The following SLX4IP variants were observed in gnomAD, a reference collection of about 807,000 sequenced individuals.
The protein encoded by SLX4IP is SLX4 interacting protein.
SLX4IP carries 34 observed loss-of-function variants against 32.9 expected under a neutral mutation model. The observed-to-expected ratio is 1.03, with a 90% CI of 0.79 to 1.38. The LOEUF (loss-of-function observed/expected upper bound fraction) is 1.38. SLX4IP is among the 40% of genes most tolerant of loss of function. The pLI, the probability that SLX4IP is intolerant of heterozygous loss-of-function variation, is 0.00. For synonymous variants in SLX4IP, 172 were observed against 171.7 expected (o/e 1.00, Z -0.01); for missense variants, 444 against 479.0 (o/e 0.93, Z 0.68).
At chr20:10,581,997 T>G (rs572612900) in intron 4 of SLX4IP, among the ~76,000 whole-genome samples, 5 of 152,286 alleles carry the variant, frequency 3.3e-5, no homozygotes, top group African/African-American at 9.6e-5. Flanking sequence ...AGGACAGTGA[T>G]GAAAAGTGAT....
At position 10,445,933 on chromosome 20, in the gene SLX4IP, C is replaced by T. The variant is rs13042206; in HGVS notation, c.-30+10480C>T. ...GAGCCACTGTGCCTGGCTGAGATTG[C>T]TTTTTTTTTTTTTTTTTTTTTTTTA... On this transcript the variant is annotated intron_variant, in intron 1 of 7. Coordinates refer to ENST00000334534, the MANE Select transcript of SLX4IP (RefSeq NM_001009608.3). 4.2e-3 allele frequency among the ~76,000 whole-genome samples: 257 copies of T among 60,674 alleles called. 18 individuals carry two copies. The highest frequency in any genetic ancestry group is 0.017 in the Middle Eastern group (1 of 58). The allele number at this position is 60,674 out of a possible 152,430, so 39.8% of individuals were successfully genotyped here.
In SLX4IP at chr20:10,560,386, C is replaced by T. The variant is rs114203513; in HGVS notation, c.118-314C>T. Among the ~76,000 whole-genome samples the T allele has an allele frequency of 9.3e-3, 1,418 of 152,334 alleles. 25 individuals carry two copies. Among genetic ancestry groups the T allele is most frequent in the African/African-American group, 0.032 (1,340 of 41,590 alleles). ...TTATATGAAAGCATTCTTTACCATA[C>T]TTATTACCTCCTTGCCCTGATGTTT... On this transcript the variant is annotated intron_variant, in intron 3 of 7. Coordinates refer to ENST00000334534, the MANE Select transcript of SLX4IP (RefSeq NM_001009608.3).
intron 2 of SLX4IP, among the ~76,000 whole-genome samples, chr20:10,509,964 A>G (rs2065792231): frequency 6.6e-6 from 1 of 152,192 alleles, no homozygotes; most frequent in African/African-American, 2.4e-5. Flanking sequence ...GGTGTGAGCC[A>G]CTGCACCAGC....
chr20:10,603,821 A>G (rs1011765711), intron 6 of SLX4IP, among the ~76,000 whole-genome samples: 2 of 152,150 alleles, frequency 1.3e-5, no homozygotes, highest in Non-Finnish European at 1.5e-5. Context: ...TAGAAGCAAT[A>G]AAAGACCCAG....
intron 4 of SLX4IP, among the ~76,000 whole-genome samples, chr20:10,566,834 C>T (rs1337261361): frequency 1.3e-5 from 2 of 152,098 alleles, no homozygotes; most frequent in Non-Finnish European, 2.9e-5. Context: ...CAAGTGAGGC[C>T]TTCCTGAAGT....
At chr20:10,447,646 T>C (rs946805531) in intron 1 of SLX4IP, among the ~76,000 whole-genome samples, 23 of 152,084 alleles carry the variant, frequency 1.5e-4, no homozygotes, top group African/African-American at 5.5e-4. Context: ...TTTCTAATGT[T>C]ACCTTTTTAT....
rs1046030156 is a variant in SLX4IP at position 10,560,611 on chromosome 20, A to G, written c.118-89A>G. 14 of 1,023,574 alleles carry G rather than the reference A, an allele frequency of 1.4e-5. No homozygotes were observed. The African/African-American group carries it at 2.3e-4, about 17-fold the overall frequency. The allele number at this position is 1,023,574 out of a possible 1,614,324, so 63.4% of individuals were successfully genotyped here. A position where few individuals can be genotyped will look rare whatever the true frequency, so the allele number is the denominator to read the frequency against. On this transcript the variant is annotated intron_variant, in intron 3 of 7. Coordinates refer to ENST00000334534, the MANE Select transcript of SLX4IP (RefSeq NM_001009608.3). The stretch of plus-strand genomic sequence containing the variant: ...CAGCTAAATTAAAAAGCAAAATGAA[A>G]TGAAATGTTCATTGTTAACTTTTTA...
intron 4 of SLX4IP, among the ~76,000 whole-genome samples, chr20:10,562,356 G>T (rs184374490): frequency 6.7e-4 from 102 of 152,288 alleles, no homozygotes; most frequent in Non-Finnish European, 1.2e-3. Context: ...TTCCCCTGGA[G>T]TTGGGCCGCC....
chr20:10,556,397 A>G (rs1301131254), intron 3 of SLX4IP, 77 bp downstream of exon 3: 18 of 1,411,346 alleles, frequency 1.3e-5, no homozygotes, highest in Non-Finnish European at 1.8e-5. Flanking sequence ...TCCAGCTTTC[A>G]TTTCTGTTAG....
intron 2 of SLX4IP, among the ~76,000 whole-genome samples, chr20:10,473,200 G>A (rs1197331669): frequency 6.6e-6 from 1 of 152,190 alleles, no homozygotes; most frequent in Non-Finnish European, 1.5e-5. Flanking sequence ...TTGTGAACCA[G>A]GCCTGATAGG....
At chr20:10,582,855 A>G (rs535270608) in intron 4 of SLX4IP, among the ~76,000 whole-genome samples, 2 of 152,240 alleles carry the variant, frequency 1.3e-5, no homozygotes, top group African/African-American at 4.8e-5. Context: ...GAAATTACCT[A>G]AAAAAATAAG....
At chr20:10,513,541 C>T (rs2065827905) in intron 2 of SLX4IP, among the ~76,000 whole-genome samples, 1 of 152,210 alleles carries the variant, frequency 6.6e-6, no homozygotes, top group South Asian at 2.1e-4. Flanking sequence ...ATTACAAAAT[C>T]CTTAGGCCTG....
intron 4 of SLX4IP, among the ~76,000 whole-genome samples, chr20:10,565,366 G>A (rs966603721): frequency 3.3e-5 from 5 of 152,122 alleles, no homozygotes; most frequent in Non-Finnish European, 7.4e-5. Flanking sequence ...GTGAAGCTAC[G>A]CAAAACAGCC....
At chr20:10,522,940 A>G (rs1226134646) in intron 2 of SLX4IP, among the ~76,000 whole-genome samples, 1 of 151,884 alleles carries the variant, frequency 6.6e-6, no homozygotes, top group Non-Finnish European at 1.5e-5. Flanking sequence ...TGGGTGCACA[A>G]CCCTCTTCCC....
intron 6 of SLX4IP, among the ~76,000 whole-genome samples, chr20:10,602,933 G>A (rs1326779730): frequency 1.3e-5 from 2 of 152,210 alleles, no homozygotes; most frequent in African/African-American, 4.8e-5. Flanking sequence ...GCAACAGCCA[G>A]TGTGGTTCAT....
chr20:10,602,300 C>CTCTCTG (rs1478857178), intron 6 of SLX4IP, among the ~76,000 whole-genome samples: 2 of 151,876 alleles, frequency 1.3e-5, no homozygotes, highest in South Asian at 2.1e-4. Context: ...CTCTCTCTCT[C>CTCTCTG]TCTCTCTGTC....
chr20:10,468,196 T>C (rs1381037389), intron 2 of SLX4IP, among the ~76,000 whole-genome samples: 3 of 152,198 alleles, frequency 2.0e-5, no homozygotes, highest in East Asian at 3.9e-4. Flanking sequence ...CTTCATTCTT[T>C]AGTCACTTAC....
At chr20:10,474,881 T>C (rs1034788791) in intron 2 of SLX4IP, among the ~76,000 whole-genome samples, 2 of 152,226 alleles carry the variant, frequency 1.3e-5, no homozygotes, top group African/African-American at 2.4e-5. Flanking sequence ...CATCCAGGAC[T>C]GGAAGCATTT....
At chr20:10,573,508 C>T (rs960748281) in intron 4 of SLX4IP, among the ~76,000 whole-genome samples, 15 of 152,288 alleles carry the variant, frequency 9.8e-5, no homozygotes, top group African/African-American at 3.6e-4. Context: ...TCCTATTGTG[C>T]ACACCCATGC....
Sources: allele counts gnomAD v4.1 joint callset (sites outside exome capture counted in the v4.1 genomes callset), GRCh38; gene constraint gnomAD v4.1.1; transcripts MANE v1.5; gene names NCBI Gene and HGNC (gene_info 2026-07-23, HGNC 2026-07-21).